Variants in RABGAP1 observed in about 807,000 individuals in gnomAD.
RABGAP1 encodes the protein rab GTPase-activating protein 1.
In RABGAP1, 23 loss-of-function variants were observed where a neutral mutation model predicts 137.6. That is an observed-to-expected ratio of 0.17 (90% CI 0.12 to 0.24). RABGAP1 has a LOEUF of 0.24. Among genes scored for constraint, RABGAP1 ranks in the 10% least tolerant of loss-of-function variants. The probability of loss-of-function intolerance (pLI) is 1.00; values close to 1 mark genes in which losing one functional copy is unlikely to be tolerated. For missense variants in RABGAP1, 906 were observed against 1,275.8 expected (o/e 0.71, Z 4.42); for synonymous variants, 451 against 450.7 (o/e 1.00, Z -0.01).
chr9:122,941,310 G>T (rs1833546655), intron 1 of RABGAP1, among the ~76,000 whole-genome samples: 1 of 152,230 alleles, frequency 6.6e-6, no homozygotes, highest in African/African-American at 2.4e-5. Context: ...GCATGCGCAG[G>T]CTGGGCCGCT....
At chr9:123,037,003 G>A (rs903956962) in intron 13 of RABGAP1, among the ~76,000 whole-genome samples, 1 of 152,128 alleles carries the variant, frequency 6.6e-6, no homozygotes, top group Non-Finnish European at 1.5e-5. Flanking sequence ...CTCCAGGCAC[G>A]AGAGTATTTC....
the RABGAP1 span, among the ~76,000 whole-genome samples, chr9:122,933,223 C>T: frequency 3.9e-5 from 6 of 152,034 alleles, no homozygotes; most frequent in Admixed American, 6.6e-5. Context: ...CCTTTTAATT[C>T]TGTCCATTTT....
chr9:123,073,060 A>AT (rs1318580437), intron 15 of RABGAP1, among the ~76,000 whole-genome samples: 5 of 152,218 alleles, frequency 3.3e-5, no homozygotes, highest in Admixed American at 6.5e-5. Context: ...AACAAGCTAT[A>AT]TTTTTAACAG....
At chr9:123,049,537 T>C (rs1405324949) in intron 13 of RABGAP1, among the ~76,000 whole-genome samples, 1 of 152,240 alleles carries the variant, frequency 6.6e-6, no homozygotes, top group African/African-American at 2.4e-5. Context: ...TTCATTAGTA[T>C]GGTTCATAGG....
At chr9:123,102,484 C>CT (rs1397442802) in intron 25 of RABGAP1, among the ~76,000 whole-genome samples, 1 of 152,202 alleles carries the variant, frequency 6.6e-6, no homozygotes. Flanking sequence ...AAGCTAAGGC[C>CT]TGGTAGTGTG....
At chr9:122,961,782 A>G (rs1280494052) in intron 2 of RABGAP1, among the ~76,000 whole-genome samples, 1 of 152,142 alleles carries the variant, frequency 6.6e-6, no homozygotes, top group Admixed American at 6.6e-5. Flanking sequence ...AGTACTGTAT[A>G]GTATGTATAT....
In RABGAP1 at chr9:123,010,421, CAGAAAG is replaced by C. The variant is rs2030696777; in HGVS notation, c.1446_1451del (p.Glu484_Arg485del). 5 of 1,613,376 alleles carry C rather than the reference CAGAAAG, an allele frequency of 3.1e-6. No individual in the cohort carries two copies. The highest frequency in any genetic ancestry group is 4.2e-6 in the Non-Finnish European group (5 of 1,179,726). ...GAAGTTGTATGCTTGGAAAGTGAAT[CAGAAAG>C]AGAGAGGAGGAAAACTACAGCCAGT... On this transcript the variant is annotated inframe_deletion, in exon 11 of 26. Coordinates refer to ENST00000373647, the MANE Select transcript of RABGAP1 (RefSeq NM_012197.4).
At chr9:122,989,183 C>CATG (rs1554793348) in intron 4 of RABGAP1, 114 bp from the exon 5 acceptor site, 11 of 979,106 alleles carry the variant, frequency 1.1e-5, no homozygotes, top group South Asian at 1.5e-5. Context: ...TTAATATCAG[C>CATG]ATACCAAATA....
At chr9:123,056,951 C>T (rs942962021) in intron 13 of RABGAP1, among the ~76,000 whole-genome samples, 2 of 152,228 alleles carry the variant, frequency 1.3e-5, no homozygotes, top group Non-Finnish European at 2.9e-5. Context: ...TCCACAAAAC[C>T]GCCATTGTCA....
chr9:123,077,874 T>C (rs199738946), intron 19 of RABGAP1, among the ~76,000 whole-genome samples: 6,448 of 152,246 alleles, frequency 0.042, 196 homozygotes, highest in Admixed American at 0.079. Context: ...CAGACTGAGC[T>C]AACTCAGATT....
At chr9:122,959,661 G>A (rs1168595084) in intron 2 of RABGAP1, among the ~76,000 whole-genome samples, 1 of 152,214 alleles carries the variant, frequency 6.6e-6, no homozygotes, top group East Asian at 1.9e-4. Context: ...CCCTATCCCA[G>A]CTGAGAGAGA....
chr9:122,986,965 T>C (rs1307181649), intron 4 of RABGAP1, among the ~76,000 whole-genome samples: 7 of 152,038 alleles, frequency 4.6e-5, no homozygotes, highest in African/African-American at 1.4e-4. Context: ...GGTGAAACCC[T>C]GTCTGTACAA....
chr9:123,034,753 A>G lies in RABGAP1; in HGVS notation c.1794+14294A>G, dbSNP rs751807208. On this transcript the variant is annotated intron_variant, in intron 13 of 25. Coordinates refer to ENST00000373647, the MANE Select transcript of RABGAP1 (RefSeq NM_012197.4). ...CTGTGCACCTTTGTTGAACCATCAC[A>G]CTACAAGTTATTTTATCCAGACTAT... 14 of 1,613,920 alleles carry G rather than the reference A, an allele frequency of 8.7e-6. No homozygotes were observed. The South Asian group carries it at 1.5e-4, about 18-fold the overall frequency.
At chr9:123,078,115 T>C (rs371284504) in intron 19 of RABGAP1, among the ~76,000 whole-genome samples, 2 of 152,186 alleles carry the variant, frequency 1.3e-5, no homozygotes, top group South Asian at 4.1e-4. Context: ...AGGAGGCAGC[T>C]GAAAAAGTGA....
chr9:122,972,146 C>T (rs1184753732), intron 2 of RABGAP1, among the ~76,000 whole-genome samples: 1 of 152,106 alleles, frequency 6.6e-6, no homozygotes, highest in Non-Finnish European at 1.5e-5. Context: ...CAGATTACCT[C>T]TGCCCATTGT....
At chr9:123,011,144 C>A (rs920170645) in intron 11 of RABGAP1, among the ~76,000 whole-genome samples, 1 of 150,432 alleles carries the variant, frequency 6.6e-6, no homozygotes, top group Non-Finnish European at 1.5e-5. Flanking sequence ...TTCTAACTTA[C>A]TACCAGGGCT....
rs550414556 is a variant in RABGAP1, at chr9:123,075,870, G to A, written c.2254-375G>A. 3.9e-5 allele frequency among the ~76,000 whole-genome samples: 6 copies of A among 152,274 alleles called. No homozygotes were observed. In the East Asian group the frequency reaches 7.7e-4, roughly 20 times the overall value. On this transcript the variant is annotated intron_variant, in intron 17 of 25. Transcript: ENST00000373647. ...TCAGTTCTGGAATATAGGGCTTATC[G>A]ACAGAGTGGTTGCTGTGCATGGATT... is the stretch of plus-strand genomic sequence containing the variant.
At position 122,974,037 on chromosome 9, in the gene RABGAP1, G is replaced by A. The variant is rs540622385; in HGVS notation, c.151-10448G>A. On this transcript the variant is annotated intron_variant, in intron 2 of 25. Coordinates refer to ENST00000373647, the MANE Select transcript of RABGAP1 (RefSeq NM_012197.4). Reference sequence around the variant, plus strand: ...AAAAAAAAAAAGAAAAAAAGAACCTGGTAATCTTGTCCTCTGTAATGCAGA... The same window carrying A: ...AAAAAAAAAAAGAAAAAAAGAACCTAGTAATCTTGTCCTCTGTAATGCAGA... 1.8e-3 allele frequency among the ~76,000 whole-genome samples: 270 copies of A among 151,936 alleles called. 1 individual carries two copies. Among genetic ancestry groups the A allele is most frequent in the Middle Eastern group, 0.01 (3 of 294 alleles).
At chr9:122,971,568 G>T (rs1471173427) in intron 2 of RABGAP1, 2 of 152,122 alleles carry the variant, frequency 1.3e-5, no homozygotes, top group African/African-American at 4.8e-5. Context: ...AATCATTAAA[G>T]ACTTAAAGCA....
Sources: allele counts gnomAD v4.1 joint callset (sites outside exome capture counted in the v4.1 genomes callset), GRCh38; gene constraint gnomAD v4.1.1; transcripts MANE v1.5; gene names NCBI Gene and HGNC (gene_info 2026-07-23, HGNC 2026-07-21).